DNAJB6: variants seen among roughly 807,000 people sequenced by gnomAD.
The protein encoded by DNAJB6 is dnaJ homolog subfamily B member 6.
DNAJB6 carries 16 observed loss-of-function variants against 42.7 expected under a neutral mutation model. The ratio of observed to expected loss-of-function variants is 0.37; its 90% confidence interval spans 0.25 to 0.57. The LOEUF is 0.57. Ranked by LOEUF, DNAJB6 falls within the 20% of genes least tolerant of loss-of-function variation. DNAJB6 has a pLI of 0.74. For missense variants in DNAJB6, 347 were observed against 416.8 expected (o/e 0.83, Z 1.46); for synonymous variants, 170 against 163.5 (o/e 1.04, Z -0.30).
chr7:157,392,084 A>G (rs1307644986), intron 8 of DNAJB6, among the ~76,000 whole-genome samples: 1 of 140,510 alleles, frequency 7.1e-6, no homozygotes, highest in Non-Finnish European at 1.5e-5. Flanking sequence ...CCTGGGCAAC[A>G]AGGAGACCCT....
At chr7:157,370,305 TAAC>T (rs1263612660) in intron 5 of DNAJB6, among the ~76,000 whole-genome samples, 2 of 151,536 alleles carry the variant, frequency 1.3e-5, no homozygotes, top group African/African-American at 4.9e-5. Context: ...GGCCCCTTCT[TAAC>T]ATTATTATTA....
intron 8 of DNAJB6, among the ~76,000 whole-genome samples, chr7:157,404,189 A>C (rs1476082919): frequency 6.6e-6 from 1 of 151,080 alleles, no homozygotes; most frequent in Non-Finnish European, 1.5e-5. Flanking sequence ...GGCTGGTCTC[A>C]AACTCTTGGG....
intron 8 of DNAJB6, among the ~76,000 whole-genome samples, chr7:157,404,122 A>C (rs1448362398): frequency 6.6e-6 from 1 of 150,904 alleles, no homozygotes; most frequent in Non-Finnish European, 1.5e-5. Context: ...ATGCACCACT[A>C]GGCCTGGCTA....
intron 5 of DNAJB6, chr7:157,370,684 G>A (rs1800164352): frequency 6.6e-6 from 1 of 152,652 alleles, no homozygotes; most frequent in African/African-American, 2.4e-5. Context: ...CATTTTACAT[G>A]CAGACCTATT....
chr7:157,416,129 G>A lies in DNAJB6; in HGVS notation c.*31G>A, dbSNP rs1438292311. ...ACTTGAGGCACGCGGTGCACCCCCA[G>A]ACGCTGGCGCTCCACCGTGCTCGGC... On this transcript the variant is annotated 3_prime_UTR_variant, in exon 10 of 10. Coordinates refer to ENST00000262177, the MANE Select transcript of DNAJB6 (RefSeq NM_058246.4). 3 of 1,604,488 alleles carry A rather than the reference G, an allele frequency of 1.9e-6. No homozygotes were observed. The East Asian group carries it at 6.7e-5, about 36-fold the overall frequency.
At chr7:157,349,461 G>T (rs928005143) in intron 1 of DNAJB6, among the ~76,000 whole-genome samples, 12 of 151,112 alleles carry the variant, frequency 7.9e-5, no homozygotes, top group Non-Finnish European at 1.8e-4. Context: ...GGTTAGAAAA[G>T]ACCAGGGGAC....
intron 5 of DNAJB6, chr7:157,368,660 T>A (rs180979812): frequency 6.5e-6 from 1 of 153,096 alleles, no homozygotes; most frequent in African/African-American, 2.4e-5. Flanking sequence ...CCTGTTAGAG[T>A]CTTCTCAACC....
intron 6 of DNAJB6, among the ~76,000 whole-genome samples, chr7:157,384,569 C>T (rs1319129778): frequency 6.6e-6 from 1 of 152,228 alleles, no homozygotes; most frequent in Non-Finnish European, 1.5e-5. Context: ...CAAGCAGGGG[C>T]TGTCTTTGGC....
intron 5 of DNAJB6, among the ~76,000 whole-genome samples, chr7:157,368,151 C>G (rs1799934127): frequency 6.6e-6 from 1 of 152,148 alleles, no homozygotes; most frequent in South Asian, 2.1e-4. Flanking sequence ...AAAATCTTTT[C>G]TCTTCTTCCT....
At chr7:157,382,091 TCA>T (rs1800810133) in intron 5 of DNAJB6, 153 bp from the exon 6 acceptor site, 3 of 682,846 alleles carry the variant, frequency 4.4e-6, no homozygotes, top group Non-Finnish European at 2.3e-6. Context: ...AGGTAGTGTT[TCA>T]GTTACTCTGT....
intron 8 of DNAJB6, among the ~76,000 whole-genome samples, chr7:157,401,470 C>CA (rs1795516074): frequency 6.6e-6 from 1 of 152,200 alleles, no homozygotes; most frequent in Non-Finnish European, 1.5e-5. Flanking sequence ...CTCGGCCTCC[C>CA]AAAGTGCTGG....
chr7:157,369,977 A>G (rs1328750020), intron 5 of DNAJB6, among the ~76,000 whole-genome samples: 3 of 148,314 alleles, frequency 2.0e-5, no homozygotes, highest in African/African-American at 5.1e-5. Flanking sequence ...CTTTCTTAAC[A>G]TTATTATTAA....
intron 2 of DNAJB6, 63 bp from the exon 3 acceptor site, chr7:157,363,098 G>A: frequency 8.3e-7 from 1 of 1,206,508 alleles, no homozygotes; most frequent in Non-Finnish European, 1.2e-6. Flanking sequence ...AATGATGTTA[G>A]TTTCAAAAGC....
chr7:157,406,112 G>A (rs1472704831), intron 8 of DNAJB6, among the ~76,000 whole-genome samples: 1 of 152,248 alleles, frequency 6.6e-6, no homozygotes, highest in Non-Finnish European at 1.5e-5. Context: ...CAGACCAACT[G>A]TGTGTCCCTT....
intron 8 of DNAJB6, among the ~76,000 whole-genome samples, chr7:157,398,426 T>C (rs913815422): frequency 6.6e-6 from 1 of 152,228 alleles, no homozygotes; most frequent in African/African-American, 2.4e-5. Flanking sequence ...GTGGATTGTG[T>C]GTATTTGGGA....
chr7:157,364,930 T>G (rs1799772188), intron 3 of DNAJB6, among the ~76,000 whole-genome samples: 1 of 152,196 alleles, frequency 6.6e-6, no homozygotes, highest in South Asian at 2.1e-4. Flanking sequence ...CGTTTTCCCA[T>G]TTTGTGGAAT....
intron 5 of DNAJB6, among the ~76,000 whole-genome samples, chr7:157,371,102 G>A (rs955041972): frequency 2.0e-5 from 3 of 152,140 alleles, no homozygotes; most frequent in African/African-American, 7.2e-5. Flanking sequence ...AACTGCACAC[G>A]CGAGGGACCT....
At chr7:157,370,819 G>C (rs1800171638) in intron 5 of DNAJB6, 1 of 152,668 alleles carries the variant, frequency 6.6e-6, no homozygotes, top group Non-Finnish European at 1.5e-5. Context: ...TGGGGAAGCT[G>C]CTGCTCCATG....
intron 5 of DNAJB6, chr7:157,380,149 TGAA>T (rs1022816050): frequency 2.0e-5 from 3 of 152,120 alleles, no homozygotes; most frequent in Admixed American, 6.5e-5. Flanking sequence ...CTAGGGGAGA[TGAA>T]GAGAGTTACC....
Sources: allele counts gnomAD v4.1 joint callset (sites outside exome capture counted in the v4.1 genomes callset), GRCh38; gene constraint gnomAD v4.1.1; transcripts MANE v1.5; gene names NCBI Gene and HGNC (gene_info 2026-07-23, HGNC 2026-07-21).